The following HACE1 variants were observed in gnomAD, a reference collection of about 807,000 sequenced individuals.
HACE1 encodes E3 ubiquitin-protein ligase HACE1.
Under a neutral mutation model 118.4 loss-of-function variants are expected in HACE1, and 73 were observed. That is an observed-to-expected ratio of 0.62 (90% CI 0.51 to 0.75). The LOEUF (loss-of-function observed/expected upper bound fraction) is 0.75. Ranked by LOEUF, HACE1 falls within the 30% of genes least tolerant of loss-of-function variation. The pLI, the probability that HACE1 is intolerant of heterozygous loss-of-function variation, is 0.00. For missense variants in HACE1, 749 were observed against 1,102.2 expected, an observed-to-expected ratio of 0.68 and a Z score of 4.54; for synonymous variants, 368 against 374.8, an observed-to-expected ratio of 0.98 and a Z score of 0.21.
rs181696977 is a variant in HACE1, at chr6:104,824,183, T to C, written c.534+8859A>G. ...TACTACTCCTTAATTGGACATACAG[T>C]AGTGTGCAAAATGGAGTCTCATTCT... is the stretch of plus-strand genomic sequence containing the variant. On this transcript the variant is annotated intron_variant, in intron 6 of 23. Transcript: ENST00000262903. 2.0e-5 allele frequency among the ~76,000 whole-genome samples: 3 copies of C among 152,326 alleles called. No homozygotes were observed. The East Asian group carries it at 5.8e-4, about 29-fold the overall frequency.
At chr6:104,857,720 G>A (rs1200745455) in intron 1 of HACE1, among the ~76,000 whole-genome samples, 3 of 151,546 alleles carry the variant, frequency 2.0e-5, no homozygotes, top group South Asian at 2.1e-4. Flanking sequence ...CACTTTGGGA[G>A]GCCGAGGCGG....
Position 104,728,772 on chromosome 6 carries a change from T to C in HACE1, c.*890A>G, listed in dbSNP as rs1774902049. ...AAAACCCACCAACATCCAAGTGATA[T>C]TAGGCACATATCACTTGAACTTGAC... On this transcript the variant is annotated 3_prime_UTR_variant, in exon 24 of 24. Transcript: ENST00000262903. 6.6e-6 allele frequency: 1 copy of C among 152,118 alleles called. No individual in the cohort carries two copies. The highest frequency in any genetic ancestry group is 6.6e-5 in the Admixed American group (1 of 15,246). The allele number at this position is 152,118 out of a possible 1,614,324, so 9.4% of individuals were successfully genotyped here. A position where few individuals can be genotyped will look rare whatever the true frequency, so the allele number is the denominator to read the frequency against.
chr6:104,737,457 G>T (rs540675829), intron 22 of HACE1, among the ~76,000 whole-genome samples: 1 of 152,264 alleles, frequency 6.6e-6, no homozygotes, highest in East Asian at 1.9e-4. Flanking sequence ...GTGGGCGCAG[G>T]TCAGTGGGTG....
At chr6:104,833,219 T>C in intron 5 of HACE1, 46 bp from the exon 6 acceptor site, 1 of 1,538,186 alleles carries the variant, frequency 6.5e-7, no homozygotes, top group Non-Finnish European at 9.0e-7. Flanking sequence ...TAGTGTTTTA[T>C]ATAAAAACAG....
intron 5 of HACE1, 32 bp from the exon 6 acceptor site, chr6:104,833,205 G>A (rs1194202178): frequency 2.5e-6 from 4 of 1,601,310 alleles, no homozygotes; most frequent in Non-Finnish European, 3.4e-6. Flanking sequence ...TAACATTTGT[G>A]TAATAGTGTT....
rs1781593945 is a variant in HACE1 at position 104,780,301 on chromosome 6, A to G, written c.1567-2984T>C. 1.9e-5 allele frequency: 8 copies of G among 431,416 alleles called. 1 individual carries two copies. Among genetic ancestry groups the G allele is most frequent in the Non-Finnish European group, 3.2e-5 (7 of 218,458 alleles). 26.7% of individuals were successfully genotyped at this position (431,416 alleles called of 1,614,324 possible). A position where few individuals can be genotyped will look rare whatever the true frequency, so the allele number is the denominator to read the frequency against. ...GATCAAACACACACACACACATACA[A>G]ACACCTACACAGCCAAATGGTACAT... On this transcript the variant is annotated intron_variant, in intron 14 of 23. Coordinates refer to ENST00000262903, the MANE Select transcript of HACE1 (RefSeq NM_020771.4).
chr6:104,791,680 A>G (rs372766264), intron 10 of HACE1, 26 bp from the exon 11 acceptor site: 11 of 1,473,432 alleles, frequency 7.5e-6, no homozygotes, highest in Non-Finnish European at 6.6e-6. Context: ...AAAATATGAG[A>G]TTAGAGTAAA....
At chr6:104,761,373 G>A (rs760183863) in intron 19 of HACE1, among the ~76,000 whole-genome samples, 1 of 152,270 alleles carries the variant, frequency 6.6e-6, no homozygotes, top group Middle Eastern at 3.4e-3. Flanking sequence ...GAACAGAACA[G>A]AGCCCTCAGA....
chr6:104,832,956 C>T (rs139542832), intron 6 of HACE1, 86 bp downstream of exon 6: 12,641 of 1,254,072 alleles, frequency 0.01, 101 homozygotes, highest in Non-Finnish European at 0.011. Flanking sequence ...CTTCATGTTC[C>T]CAAATATGCA....
At chr6:104,772,837 T>C (rs1024067028) in intron 17 of HACE1, among the ~76,000 whole-genome samples, 1 of 152,158 alleles carries the variant, frequency 6.6e-6, no homozygotes, top group Non-Finnish European at 1.5e-5. Flanking sequence ...GATTAGTAGT[T>C]ACCTAAGGCT....
At chr6:104,771,792 C>A in intron 18 of HACE1, 133 bp downstream of exon 18, 1 of 653,344 alleles carries the variant, frequency 1.5e-6, no homozygotes. Context: ...CCCCGAATGG[C>A]TTACATATAC....
At chr6:104,796,263 A>G (rs1769611421) in intron 9 of HACE1, among the ~76,000 whole-genome samples, 2 of 152,086 alleles carry the variant, frequency 1.3e-5, no homozygotes, top group South Asian at 4.2e-4. Context: ...GATGCATGCC[A>G]CTACACTTAG....
chr6:104,731,769 G>C (rs186365677), intron 22 of HACE1: 2 of 150,894 alleles, frequency 1.3e-5, no homozygotes, highest in East Asian at 3.9e-4. Context: ...AAAACTCTTA[G>C]AAGAAAATAT....
At chr6:104,803,396 G>C (rs920562661) in intron 7 of HACE1, among the ~76,000 whole-genome samples, 4 of 152,088 alleles carry the variant, frequency 2.6e-5, no homozygotes, top group African/African-American at 9.7e-5. Flanking sequence ...CCAAAGCCTG[G>C]CAGAGACACA....
In HACE1 at chr6:104,728,932, A is replaced by G. The variant is rs2114324912; in HGVS notation, c.*730T>C. On this transcript the variant is annotated 3_prime_UTR_variant, in exon 24 of 24. Transcript: ENST00000262903. ...AATGAAAAGAAACGTGGTAAAATAC[A>G]TTTTAATTTTACCTTCATTATAAAT... is the stretch of plus-strand genomic sequence containing the variant. The G allele has an allele frequency of 6.5e-6, 1 of 152,742 alleles. No homozygotes were observed. Among genetic ancestry groups the G allele is most frequent in the South Asian group, 2.1e-4 (1 of 4,830 alleles). 9.5% of individuals were successfully genotyped at this position (152,742 alleles called of 1,614,324 possible).
intron 8 of HACE1, 31 bp downstream of exon 8, chr6:104,796,898 A>T: frequency 1.6e-6 from 2 of 1,252,188 alleles, no homozygotes; most frequent in Non-Finnish European, 1.2e-6. Flanking sequence ...TTATAAAGAT[A>T]AGGGGCTCAG....
chr6:104,840,349 A>G (rs1336213384), intron 5 of HACE1, among the ~76,000 whole-genome samples: 1 of 152,212 alleles, frequency 6.6e-6, no homozygotes, highest in Non-Finnish European at 1.5e-5. Flanking sequence ...TAAAATTACA[A>G]TAATTGTATT....
chr6:104,810,746 T>G (rs1771511428), intron 7 of HACE1, among the ~76,000 whole-genome samples: 1 of 152,074 alleles, frequency 6.6e-6, no homozygotes, highest in Non-Finnish European at 1.5e-5. Context: ...GAACAAAATG[T>G]ACACGTCAAG....
chr6:104,762,277 T>A (rs992295650), intron 19 of HACE1, among the ~76,000 whole-genome samples: 1 of 152,132 alleles, frequency 6.6e-6, no homozygotes, highest in South Asian at 2.1e-4. Flanking sequence ...CTGTTCACAA[T>A]AGCAAAGACT....
Sources: gnomAD v4.1 joint callset for allele counts (sites outside exome capture counted in the v4.1 genomes callset) on GRCh38, gnomAD v4.1.1 for gene constraint, MANE v1.5 for transcripts, NCBI Gene and HGNC (gene_info 2026-07-23, HGNC 2026-07-21) for gene names.